SPNS3: variants seen among roughly 807,000 people sequenced by gnomAD.
SPNS3 encodes SPNS lysolipid transporter 3, sphingosine-1-phosphate (putative), also known as protein spinster homolog 3.
Under a neutral mutation model 54.4 loss-of-function variants are expected in SPNS3, and 51 were observed. The ratio of observed to expected loss-of-function variants is 0.94; its 90% confidence interval spans 0.75 to 1.18. The LOEUF is 1.18. Ranked by LOEUF, SPNS3 falls within the 50% of genes most tolerant of loss-of-function variation. The pLI is 0.00. For synonymous variants in SPNS3, 309 were observed against 294.7 expected (o/e 1.05, Z -0.50); for missense variants, 669 against 677.4 (o/e 0.99, Z 0.14).
chr17:4,460,613 T>A (rs574648943), intron 8 of SPNS3, among the ~76,000 whole-genome samples: 1 of 151,306 alleles, frequency 6.6e-6, no homozygotes, highest in East Asian at 1.9e-4. Flanking sequence ...TTGTATTTTT[T>A]TTTTTTTTTT....
At chr17:4,478,834 G>A (rs967828178) in intron 9 of SPNS3, among the ~76,000 whole-genome samples, 197 bp downstream of exon 9, 1 of 152,184 alleles carries the variant, frequency 6.6e-6, no homozygotes, top group Non-Finnish European at 1.5e-5. Context: ...TTTTGCAGAT[G>A]AACAAATGGA....
At chr17:4,454,570 A>G (rs1971253046) in intron 8 of SPNS3, among the ~76,000 whole-genome samples, 1 of 149,002 alleles carries the variant, frequency 6.7e-6, no homozygotes, top group Non-Finnish European at 1.5e-5. Context: ...GTCTGGTCCC[A>G]CTGAAATCAA....
chr17:4,486,198 G>T lies in SPNS3; in HGVS notation c.1180-30G>T. 9 of 1,504,934 alleles carry T rather than the reference G, an allele frequency of 6.0e-6. No individual in the cohort carries two copies. The highest frequency in any genetic ancestry group is 1.4e-5 in the South Asian group (1 of 73,614). The allele number at this position is 1,504,934 out of a possible 1,614,324, so 93.2% of individuals were successfully genotyped here. The stretch of plus-strand genomic sequence containing the variant: ...GCAGGCAAGGGTGCCCTCACTTGGG[G>T]TGCCCCCCTGCTGTGCCTATGTTTT... On this transcript the variant is annotated intron_variant, in intron 9 of 11. Transcript: ENST00000355530. This position sits in a 1 kb window ranked among gnomAD's most constrained non-coding sequence, Gnocchi z 5.5.
intron 8 of SPNS3, among the ~76,000 whole-genome samples, chr17:4,477,638 C>T (rs552228533): frequency 6.6e-6 from 1 of 152,278 alleles, no homozygotes; most frequent in Non-Finnish European, 1.5e-5. Context: ...TGGGGGTGGG[C>T]ACTGGGCAGG....
intron 8 of SPNS3, among the ~76,000 whole-genome samples, chr17:4,457,661 C>A (rs1205762506): frequency 6.6e-6 from 1 of 152,156 alleles, no homozygotes; most frequent in East Asian, 1.9e-4. Context: ...GGGCTGGGGG[C>A]CCCCTGCCAG....
Position 4,439,704 on chromosome 17 carries a change from T to C in SPNS3, c.246T>C (p.His82=). The C allele has an allele frequency of 1.2e-6, 2 of 1,613,016 alleles. No individual in the cohort carries two copies. The highest frequency in any genetic ancestry group is 8.5e-7 in the Non-Finnish European group (1 of 1,179,618). Residue 82 remains histidine, a synonymous_variant, in exon 2 of 12, where the codon CAT becomes CAC. Transcript: ENST00000355530. ...IQEVFQISDN[H]AGLLQTVFVS... is the part of the protein sequence containing the mutation. ...AGGTTTTCCAGATCAGTGACAACCA[T>C]GCTGGTTTGCTTCAGACTGGTAAGG...
chr17:4,451,671 T>G (rs1230930337), intron 7 of SPNS3, among the ~76,000 whole-genome samples: 1 of 151,650 alleles, frequency 6.6e-6, no homozygotes, highest in Non-Finnish European at 1.5e-5. Context: ...ATTTGTTTTG[T>G]TTTGTTTTGT....
chr17:4,440,247 G>C (rs113606536), intron 2 of SPNS3, among the ~76,000 whole-genome samples: 3 of 152,192 alleles, frequency 2.0e-5, no homozygotes, highest in Non-Finnish European at 4.4e-5. Context: ...CAGAGCGGTT[G>C]GGGTCATGAG....
intron 8 of SPNS3, among the ~76,000 whole-genome samples, chr17:4,456,771 G>A (rs1353572778): frequency 1.3e-5 from 2 of 151,946 alleles, no homozygotes; most frequent in African/African-American, 4.8e-5. Flanking sequence ...CTGGAGTGCA[G>A]TGGAGCGATC....
At chr17:4,472,937 T>G (rs1033187122) in intron 8 of SPNS3, among the ~76,000 whole-genome samples, 4 of 151,636 alleles carry the variant, frequency 2.6e-5, no homozygotes, top group Admixed American at 2.6e-4. Context: ...CACAGGTGCA[T>G]GCCACCATGC....
chr17:4,471,662 C>T (rs1010202398), intron 8 of SPNS3, among the ~76,000 whole-genome samples: 3 of 151,914 alleles, frequency 2.0e-5, no homozygotes, highest in African/African-American at 7.3e-5. Flanking sequence ...GGCAGGGTTT[C>T]ACCATGTTTC....
chr17:4,448,101 C>T (rs6502786), intron 5 of SPNS3, 54 bp from the exon 6 acceptor site: 1,294,122 of 1,504,288 alleles, frequency 0.86, 566,252 homozygotes, highest in Non-Finnish European at 0.89. Context: ...CCCGGGGGTC[C>T]CTTGGGCTGT....
intron 8 of SPNS3, among the ~76,000 whole-genome samples, chr17:4,459,204 C>G (rs1321641368): frequency 6.6e-6 from 1 of 152,096 alleles, no homozygotes; most frequent in Non-Finnish European, 1.5e-5. Context: ...TGACTCCTCT[C>G]CCAGCCCTGT....
rs114865351 is a variant in SPNS3, at chr17:4,468,054, A to G, written c.1114-10518A>G. On this transcript the variant is annotated intron_variant, in intron 8 of 11. Coordinates refer to ENST00000355530, the MANE Select transcript of SPNS3 (RefSeq NM_182538.5). ...GCAGGGGACTTCATACAAAGTGTGA[A>G]TGTCAAGAGGCCTGATTAATTTGGG... Among the ~76,000 whole-genome samples the G allele has an allele frequency of 7.1e-3, 1,082 of 152,300 alleles. 5 individuals carry two copies. Among genetic ancestry groups the G allele is most frequent in the African/African-American group, 0.024 (978 of 41,584 alleles).
At chr17:4,458,605 C>A (rs1181391924) in intron 8 of SPNS3, among the ~76,000 whole-genome samples, 2 of 101,758 alleles carry the variant, frequency 2.0e-5, no homozygotes, top group Non-Finnish European at 4.1e-5. Flanking sequence ...TTCTTTCTTT[C>A]TTTCTTTCTT....
chr17:4,469,340 G>A (rs1318659488), intron 8 of SPNS3, among the ~76,000 whole-genome samples: 2 of 152,238 alleles, frequency 1.3e-5, no homozygotes, highest in East Asian at 3.9e-4. Context: ...GCCTGCCTCG[G>A]CCTCCCAAAG....
At chr17:4,451,841 GTA>G (rs1567559748) in intron 7 of SPNS3, among the ~76,000 whole-genome samples, 2 of 135,880 alleles carry the variant, frequency 1.5e-5, no homozygotes, top group Non-Finnish European at 3.2e-5. Flanking sequence ...GCTAATTTTT[GTA>G]TTTTTTTTTT....
chr17:4,485,739 G>A (rs866660533), intron 9 of SPNS3, among the ~76,000 whole-genome samples: 12 of 152,304 alleles, frequency 7.9e-5, no homozygotes, highest in Middle Eastern at 6.8e-3. Context: ...CCGTGGAGTC[G>A]TGCGGGCTTC....
At chr17:4,460,352 A>G (rs1567564953) in intron 8 of SPNS3, among the ~76,000 whole-genome samples, 2 of 151,076 alleles carry the variant, frequency 1.3e-5, no homozygotes, top group Non-Finnish European at 2.9e-5. Flanking sequence ...ACTGATATTT[A>G]TATGTTTAAC....
Sources: allele counts gnomAD v4.1 joint callset (sites outside exome capture counted in the v4.1 genomes callset), GRCh38; gene constraint gnomAD v4.1.1; non-coding constraint Gnocchi (gnomAD v3.1); transcripts MANE v1.5; gene names NCBI Gene and HGNC (gene_info 2026-07-23, HGNC 2026-07-21).